CCDC30: variants seen among roughly 807,000 people sequenced by gnomAD.
CCDC30 encodes coiled-coil domain containing 30.
In CCDC30, 70 loss-of-function variants were observed where a neutral mutation model predicts 100.2. That is an observed-to-expected ratio of 0.70 (90% CI 0.58 to 0.85). The LOEUF (loss-of-function observed/expected upper bound fraction) is 0.85. Among genes scored for constraint, CCDC30 ranks in the 40% least tolerant of loss-of-function variants. The probability of loss-of-function intolerance (pLI) is 0.00; values close to 1 mark genes in which losing one functional copy is unlikely to be tolerated. For synonymous variants in CCDC30, 233 were observed against 269.5 expected (o/e 0.86, Z 1.33); for missense variants, 652 against 771.2 (o/e 0.85, Z 1.83).
At chr1:42,610,587 C>A (rs1646599373) in intron 10 of CCDC30, among the ~76,000 whole-genome samples, 2 of 152,016 alleles carry the variant, frequency 1.3e-5, no homozygotes, top group African/African-American at 2.4e-5. Flanking sequence ...CCACACCTGG[C>A]AAATTTTTAT....
At chr1:42,589,398 T>A (rs1308578665) in exon 10 of CCDC30, 3 of 1,613,766 alleles carry the variant, frequency 1.9e-6, no homozygotes, top group Admixed American at 3.3e-5. Context: ...CTACTGGAAA[T>A]GACCTGTTCT....
intron 6 of CCDC30, among the ~76,000 whole-genome samples, chr1:42,550,003 C>G (rs1363781750): frequency 6.6e-6 from 1 of 152,168 alleles, no homozygotes; most frequent in African/African-American, 2.4e-5. Context: ...TTGATGTTGA[C>G]TTTCTGTCTC....
Position 42,559,079 on chromosome 1 carries a change from A to G in CCDC30, c.457-7217A>G, listed in dbSNP as rs1292780042. On this transcript the variant is annotated intron_variant, in intron 6 of 16. Transcript: ENST00000668663. ...GTGAAGGAGAAATAAAATCCTTTTC[A>G]GACAAGCAAATGCTGAGGGATTTCA... Among the ~76,000 whole-genome samples, 16 of 152,206 alleles carry G rather than the reference A, an allele frequency of 1.1e-4. 1 individual carries two copies. Among genetic ancestry groups the G allele is most frequent in the Admixed American group, 9.8e-4 (15 of 15,280 alleles).
intron 8 of CCDC30, among the ~76,000 whole-genome samples, chr1:42,577,823 G>T (rs1386347565): frequency 2.6e-5 from 4 of 152,016 alleles, no homozygotes; most frequent in African/African-American, 9.7e-5. Context: ...TGTATTTTTA[G>T]TAGAGATGGG....
intron 15 of CCDC30, among the ~76,000 whole-genome samples, chr1:42,646,522 C>T (rs1435556075): frequency 2.0e-5 from 3 of 152,234 alleles, no homozygotes; most frequent in Non-Finnish European, 4.4e-5. Flanking sequence ...CAACTTCCTG[C>T]AGGCAGAAAT....
At chr1:42,470,735 T>C (rs1643743699) in intron 1 of CCDC30, among the ~76,000 whole-genome samples, 1 of 152,166 alleles carries the variant, frequency 6.6e-6, no homozygotes, top group Non-Finnish European at 1.5e-5. Flanking sequence ...TCCATTTCTA[T>C]GAGTTGTATA....
At chr1:42,516,297 T>C (rs1303114546) in intron 6 of CCDC30, among the ~76,000 whole-genome samples, 2 of 152,156 alleles carry the variant, frequency 1.3e-5, no homozygotes, top group African/African-American at 4.8e-5. Flanking sequence ...AAACTCCTTT[T>C]CATGTTGAAA....
intron 6 of CCDC30, among the ~76,000 whole-genome samples, chr1:42,516,259 A>G (rs778352095): frequency 5.9e-5 from 9 of 151,918 alleles, no homozygotes; most frequent in African/African-American, 1.2e-4. Context: ...AAGTGGTACT[A>G]TGGTTTGGAT....
intron 6 of CCDC30, 66 bp from the exon 9 acceptor site, chr1:42,545,344 C>CT (rs141856378): frequency 2.4e-5 from 31 of 1,309,454 alleles, no homozygotes; most frequent in Non-Finnish European, 3.2e-5. Context: ...AATCAGTATA[C>CT]TTTTTTTCAC....
intron 11 of CCDC30, among the ~76,000 whole-genome samples, chr1:42,631,990 C>T (rs912329421): frequency 6.6e-6 from 1 of 152,156 alleles, no homozygotes; most frequent in African/African-American, 2.4e-5. Flanking sequence ...AAAGCTGATA[C>T]CTATGCTGTA....
intron 7 of CCDC30, among the ~76,000 whole-genome samples, chr1:42,575,418 G>A (rs780810246): frequency 8.6e-5 from 13 of 151,988 alleles, no homozygotes; most frequent in Non-Finnish European, 1.0e-4. Flanking sequence ...GGGAGGCCGA[G>A]GCGGGCAGAT....
At chr1:42,505,182 T>G (rs1339620601) in intron 6 of CCDC30, among the ~76,000 whole-genome samples, 1 of 151,794 alleles carries the variant, frequency 6.6e-6, no homozygotes, top group East Asian at 1.9e-4. Flanking sequence ...TTTTGGAAGG[T>G]CTATGAAGTT....
chr1:42,588,047 G>T (rs967019171), intron 9 of CCDC30, among the ~76,000 whole-genome samples: 28 of 152,160 alleles, frequency 1.8e-4, no homozygotes, highest in African/African-American at 6.8e-4. Flanking sequence ...ATGTAAAACA[G>T]GAATTAGTGA....
At chr1:42,589,438 G>A in exon 10 of CCDC30, 1 of 1,613,932 alleles carries the variant, frequency 6.2e-7, no homozygotes. Flanking sequence ...AGCAACAAGA[G>A]GCCCTACTTA....
At chr1:42,636,462 A>G (rs1334788060) in intron 11 of CCDC30, among the ~76,000 whole-genome samples, 1 of 152,138 alleles carries the variant, frequency 6.6e-6, no homozygotes, top group Admixed American at 6.6e-5. Context: ...GAACAGGCCA[A>G]GCCATCTGGA....
chr1:42,480,714 T>C (rs1643942786), intron 2 of CCDC30, 148 bp downstream of exon 2: 1 of 749,610 alleles, frequency 1.3e-6, no homozygotes, highest in African/African-American at 1.9e-5. Context: ...TGTGTAACAG[T>C]CTAAAAAAAC....
chr1:42,544,298 T>A (rs552343901), intron 6 of CCDC30, among the ~76,000 whole-genome samples: 1 of 152,296 alleles, frequency 6.6e-6, no homozygotes, highest in Admixed American at 6.5e-5. Flanking sequence ...GGAAAGGAAA[T>A]CTTTAGAATC....
intron 16 of CCDC30, 50 bp downstream of exon 20, chr1:42,653,493 C>A: frequency 8.4e-7 from 1 of 1,195,794 alleles, no homozygotes; most frequent in South Asian, 1.3e-5. Flanking sequence ...GATGGACTGT[C>A]AGCCATGCCT....
At chr1:42,628,477 C>T (rs554477659) in intron 11 of CCDC30, among the ~76,000 whole-genome samples, 8 of 152,074 alleles carry the variant, frequency 5.3e-5, no homozygotes, top group South Asian at 4.2e-4. Flanking sequence ...TTGGAGGGGC[C>T]GGGGCAGAAT....
Sources: gnomAD v4.1 joint callset for allele counts (sites outside exome capture counted in the v4.1 genomes callset) on GRCh38, gnomAD v4.1.1 for gene constraint, MANE v1.5 for transcripts, NCBI Gene and HGNC (gene_info 2026-07-23, HGNC 2026-07-21) for gene names.